Variants in LDB3 observed in about 807,000 individuals in gnomAD.
The protein encoded by LDB3 is LIM domain-binding protein 3.
A neutral mutation model predicts 69.0 loss-of-function variants in LDB3; 49 were observed. The observed-to-expected ratio is 0.71, with a 90% CI of 0.56 to 0.90. The LOEUF is 0.90. Among genes scored for constraint, LDB3 ranks in the 40% least tolerant of loss-of-function variants. The pLI, the probability that LDB3 is intolerant of heterozygous loss-of-function variation, is 0.00. For missense variants in LDB3, 928 were observed against 974.1 expected (o/e 0.95, Z 0.63); for synonymous variants, 387 against 396.2 (o/e 0.98, Z 0.28).
At chr10:86,695,968 C>T (rs1845977242) in intron 7 of LDB3, among the ~76,000 whole-genome samples, 1 of 152,198 alleles carries the variant, frequency 6.6e-6, no homozygotes, top group South Asian at 2.1e-4. Context: ...CTCTGCATCT[C>T]CCCATCTTTC....
At chr10:86,726,115 T>C in intron 12 of LDB3, 22 bp from the exon 13 acceptor site, 1 of 1,595,910 alleles carries the variant, frequency 6.3e-7, no homozygotes, top group Non-Finnish European at 8.6e-7. Flanking sequence ...GTGCGGGGTC[T>C]TCACTCTGCT....
chr10:86,687,521 A>G (rs1016529788), intron 5 of LDB3, among the ~76,000 whole-genome samples: 1 of 152,222 alleles, frequency 6.6e-6, no homozygotes, highest in African/African-American at 2.4e-5. Flanking sequence ...AGTGCTTTTC[A>G]CAGCCTCTGC....
At position 86,679,476 on chromosome 10, in the gene LDB3, A is replaced by G; in HGVS notation, c.203A>G (p.Lys68Arg). The change falls in exon 3 of 14, where the codon AAG becomes AGG. Residue 68 changes from lysine (K) to arginine (R), a missense_variant. Transcript: ENST00000361373. ...DTMTHLEAQN[K>R]IKSASYNLSL... is the part of the protein sequence containing the mutation. ...ATGACCCACCTGGAAGCCCAGAACAAGATCAAGTCTGCCAGCTACAACTTG... is the reference window on the plus strand; with the variant it reads ...ATGACCCACCTGGAAGCCCAGAACAGGATCAAGTCTGCCAGCTACAACTTG... 1 of 1,614,158 alleles carries G rather than the reference A, an allele frequency of 6.2e-7. No individual in the cohort carries two copies. The highest frequency in any genetic ancestry group is 8.5e-7 in the Non-Finnish European group (1 of 1,180,040).
intron 2 of LDB3, among the ~76,000 whole-genome samples, chr10:86,674,012 C>G (rs1296265226): frequency 6.6e-6 from 1 of 152,172 alleles, no homozygotes; most frequent in Non-Finnish European, 1.5e-5. Flanking sequence ...CCCCAACACC[C>G]AGGCCCCTCT....
chr10:86,726,314 C>A, intron 13 of LDB3, 62 bp downstream of exon 13: 1 of 1,333,800 alleles, frequency 7.5e-7, no homozygotes, highest in Non-Finnish European at 1.1e-6. Context: ...AAGTGGGAGC[C>A]AGATGACCAA....
chr10:86,667,856 C>T (rs1844240441), upstream of LDB3, among the ~76,000 whole-genome samples: 1 of 152,218 alleles, frequency 6.6e-6, no homozygotes, highest in Admixed American at 6.5e-5. Context: ...CTACTGGGAG[C>T]CCATTATCTG....
intron 5 of LDB3, 47 bp downstream of exon 5, chr10:86,681,850 G>T: frequency 1.3e-6 from 2 of 1,520,998 alleles, no homozygotes; most frequent in Non-Finnish European, 1.8e-6. Context: ...GGGCCACCTG[G>T]GTCCTCGGTG....
At chr10:86,704,105 C>T (rs1846355385) in intron 7 of LDB3, among the ~76,000 whole-genome samples, 1 of 150,758 alleles carries the variant, frequency 6.6e-6, no homozygotes, top group African/African-American at 2.4e-5. Context: ...CAGAGCGGGA[C>T]TCCGTCTCAA....
chr10:86,722,818 C>T (rs1234837740), intron 12 of LDB3, among the ~76,000 whole-genome samples: 1 of 133,258 alleles, frequency 7.5e-6, no homozygotes, highest in Non-Finnish European at 1.6e-5. Flanking sequence ...CTACCTGCCT[C>T]GACCTCCCAA....
chr10:86,681,782 C>T lies in LDB3; in HGVS notation c.668C>T (p.Ser223Leu), dbSNP rs375306400. ...MYQMSLRGKA[S>L]GVGLPGGSLP... Reference sequence around the variant, plus strand: ...CAGATGAGCCTCCGAGGGAAGGCCTCGGGTGTCGGACTCCCAGGAGGGTAG... The same window carrying T: ...CAGATGAGCCTCCGAGGGAAGGCCTTGGGTGTCGGACTCCCAGGAGGGTAG... Residue 223 changes from serine to leucine, a missense_variant, in exon 5 of 14, where the codon TCG becomes TTG. By Grantham distance (145) the Ser-to-Leu change is moderately radical. Transcript: ENST00000361373. 4.4e-5 allele frequency: 70 copies of T among 1,597,370 alleles called. No homozygotes were observed. The highest frequency in any genetic ancestry group is 1.7e-4 in the Middle Eastern group (1 of 6,010).
intron 12 of LDB3, among the ~76,000 whole-genome samples, chr10:86,722,685 G>A (rs1025966356): frequency 2.8e-5 from 4 of 144,090 alleles, no homozygotes; most frequent in African/African-American, 1.0e-4. Flanking sequence ...CTCTGTCTCA[G>A]CCTCCCAAGT....
chr10:86,721,179 C>T (rs187460939), intron 12 of LDB3, among the ~76,000 whole-genome samples: 44 of 152,320 alleles, frequency 2.9e-4, no homozygotes, highest in African/African-American at 9.6e-4. Context: ...CACTGTGTTA[C>T]AAACCCATTA....
At chr10:86,677,897 C>G (rs902047808) in intron 2 of LDB3, among the ~76,000 whole-genome samples, 4 of 152,206 alleles carry the variant, frequency 2.6e-5, no homozygotes, top group Non-Finnish European at 5.9e-5. Context: ...TGCCCTTCAG[C>G]CTGGCAGTGT....
chr10:86,699,441 T>A lies in LDB3; in HGVS notation c.896+6870T>A. On this transcript the variant is annotated intron_variant, in intron 7 of 13. Coordinates refer to ENST00000361373, the MANE Select transcript of LDB3 (RefSeq NM_007078.3). This position sits in a 1 kb window ranked among gnomAD's most constrained non-coding sequence, Gnocchi z 4.9. ...CTCCATCCTTACCCCCACACAGATC[T>A]GGCATGTGAGCCCCACGGTGATGCT... The A allele has an allele frequency of 6.2e-7, 1 of 1,610,462 alleles. No individual in the cohort carries two copies. The highest frequency in any genetic ancestry group is 1.1e-5 in the South Asian group (1 of 90,862).
chr10:86,678,299 A>G (rs1844915403), intron 2 of LDB3, among the ~76,000 whole-genome samples: 1 of 146,846 alleles, frequency 6.8e-6, no homozygotes, highest in South Asian at 2.1e-4. Flanking sequence ...AGCCTCCCAA[A>G]GTGCTGGGAT....
chr10:86,682,757 T>C (rs1038710716), intron 5 of LDB3, among the ~76,000 whole-genome samples: 5 of 152,310 alleles, frequency 3.3e-5, no homozygotes, highest in Admixed American at 6.5e-5. Flanking sequence ...TGTAAAGCTC[T>C]GAGCTTTGTC....
At chr10:86,716,020 A>T (rs1846854538) in intron 9 of LDB3, among the ~76,000 whole-genome samples, 1 of 146,858 alleles carries the variant, frequency 6.8e-6, no homozygotes, top group Admixed American at 6.7e-5. Flanking sequence ...TCTGCGTCTT[A>T]TGCAGGCCTT....
chr10:86,712,458 G>A (rs1846704780), intron 9 of LDB3, among the ~76,000 whole-genome samples: 2 of 152,154 alleles, frequency 1.3e-5, no homozygotes, highest in Admixed American at 1.3e-4. Flanking sequence ...GAGTTTCTAA[G>A]CGGGCATCTG....
chr10:86,732,237 G>A (rs768016897), intron 13 of LDB3, among the ~76,000 whole-genome samples: 4 of 151,914 alleles, frequency 2.6e-5, no homozygotes, highest in South Asian at 2.1e-4. Flanking sequence ...TTCTTTAGAC[G>A]TGAATCCTCT....
Sources: gnomAD v4.1 joint callset for allele counts (sites outside exome capture counted in the v4.1 genomes callset) on GRCh38, gnomAD v4.1.1 for gene constraint, Gnocchi (gnomAD v3.1) non-coding constraint, MANE v1.5 for transcripts, NCBI Gene and HGNC (gene_info 2026-07-23, HGNC 2026-07-21) for gene names.